Variants in RTTN observed in about 807,000 individuals in gnomAD.
RTTN encodes rotatin.
A neutral mutation model predicts 269.2 loss-of-function variants in RTTN; 182 were observed. The ratio of observed to expected loss-of-function variants is 0.68; its 90% CI spans 0.60 to 0.76. The LOEUF (loss-of-function observed/expected upper bound fraction) is 0.76, where lower values mean the gene tolerates loss of function less well. Ranked by LOEUF, RTTN falls within the 30% of genes least tolerant of loss-of-function variation. The probability of loss-of-function intolerance (pLI) is 0.00; values close to 1 mark genes in which losing one functional copy is unlikely to be tolerated. For synonymous variants in RTTN, 1,006 were observed against 963.5 expected, an observed-to-expected ratio of 1.04 and a Z score of -0.82; for missense variants, 2,545 against 2,608.6, an observed-to-expected ratio of 0.98 and a Z score of 0.53.
chr18:70,021,042 T>G (rs2056690127), intron 44 of RTTN: 1 of 402,054 alleles, frequency 2.5e-6, no homozygotes, highest in South Asian at 1.0e-4. Context: ...GACACCAGGT[T>G]TATTTTTAAA....
At position 70,075,349 on chromosome 18, in the gene RTTN, T is replaced by C; in HGVS notation, c.4564+3A>G. The C allele has an allele frequency of 6.5e-7, 1 of 1,549,670 alleles. No individual in the cohort carries two copies. Among genetic ancestry groups the C allele is most frequent in the Non-Finnish European group, 8.7e-7 (1 of 1,143,774 alleles). On this transcript the variant is annotated splice_donor_region_variant and intron_variant, in intron 33 of 48. Coordinates refer to ENST00000640769, the MANE Select transcript of RTTN (RefSeq NM_173630.4). ...AATAAAAATACAAAGATATCGTACT[T>C]ACCATTTAAATCATTGCTTTCTGAA...
chr18:70,146,950 C>T (rs2060409878), intron 17 of RTTN, among the ~76,000 whole-genome samples: 2 of 152,204 alleles, frequency 1.3e-5, no homozygotes, highest in Admixed American at 6.5e-5. Context: ...AAAGGCTAAA[C>T]ACCTACCTAA....
intron 14 of RTTN, among the ~76,000 whole-genome samples, chr18:70,157,117 G>A (rs2060699859): frequency 6.6e-6 from 1 of 152,096 alleles, no homozygotes; most frequent in South Asian, 2.1e-4. Flanking sequence ...AGCCTCCCCT[G>A]CCAGTGCGCA....
intron 14 of RTTN, among the ~76,000 whole-genome samples, chr18:70,157,169 G>C (rs1308695812): frequency 6.6e-6 from 1 of 152,098 alleles, no homozygotes; most frequent in Non-Finnish European, 1.5e-5. Context: ...CTCTCCCAAA[G>C]CACCGCCCCA....
chr18:70,100,577 T>C (rs1439147066), intron 28 of RTTN, among the ~76,000 whole-genome samples: 1 of 152,192 alleles, frequency 6.6e-6, no homozygotes, highest in Non-Finnish European at 1.5e-5. Context: ...TCTTTCTTTC[T>C]CCTGCCTGAT....
chr18:70,012,276 A>G (rs1183314119), intron 46 of RTTN, among the ~76,000 whole-genome samples: 29 of 118,482 alleles, frequency 2.4e-4, no homozygotes, highest in African/African-American at 3.8e-4. Flanking sequence ...AGAGGGCAGC[A>G]TCTGCTCACT....
intron 46 of RTTN, among the ~76,000 whole-genome samples, chr18:70,009,779 G>A (rs1277918695): frequency 2.6e-5 from 4 of 152,146 alleles, no homozygotes; most frequent in Non-Finnish European, 5.9e-5. Context: ...AAAAGACACA[G>A]ACTGGCAAAT....
chr18:70,056,366 C>T (rs971163919), intron 37 of RTTN, among the ~76,000 whole-genome samples: 1 of 152,314 alleles, frequency 6.6e-6, no homozygotes, highest in African/African-American at 2.4e-5. Flanking sequence ...AGTCACTCAT[C>T]TCTCTGGGCC....
chr18:70,058,404 G>C (rs756918244), intron 36 of RTTN, among the ~76,000 whole-genome samples: 10 of 152,100 alleles, frequency 6.6e-5, no homozygotes, highest in Non-Finnish European at 1.5e-4. Flanking sequence ...TGTAATCCCA[G>C]CTACTCAGGA....
chr18:70,184,097 T>C (rs1044180832), intron 10 of RTTN, among the ~76,000 whole-genome samples: 2 of 152,114 alleles, frequency 1.3e-5, no homozygotes, highest in African/African-American at 4.8e-5. Flanking sequence ...CTCAACATGG[T>C]AACATTGAAA....
At position 70,201,894 on chromosome 18, in the gene RTTN, C is replaced by T. The variant is rs1464172177; in HGVS notation, c.487G>A (p.Val163Ile). 1 of 1,588,134 alleles carries T rather than the reference C, an allele frequency of 6.3e-7. No homozygotes were observed. The highest frequency in any genetic ancestry group is 8.6e-7 in the Non-Finnish European group (1 of 1,157,196). The change falls in exon 4 of 49, where the codon GTA becomes ATA. Residue 163 changes from valine to isoleucine, a missense_variant and splice_region_variant. By Grantham distance (29) the Val-to-Ile change is conservative. Coordinates refer to ENST00000640769, the MANE Select transcript of RTTN (RefSeq NM_173630.4). ...QQMEVPPRPV[V>I]NQTVKCLKFS... Reference sequence around the variant, plus strand: ...GATTTACTTCCCGACATATACACACCCACTGGTCGTGGCGGCACTTCCATC... The same window carrying T: ...GATTTACTTCCCGACATATACACACTCACTGGTCGTGGCGGCACTTCCATC...
intron 30 of RTTN, among the ~76,000 whole-genome samples, chr18:70,090,793 G>A (rs1390482066): frequency 6.6e-6 from 1 of 152,138 alleles, no homozygotes; most frequent in Admixed American, 6.5e-5. Flanking sequence ...TTATGGGCGG[G>A]GCTCTTGAAG....
At position 70,020,664 on chromosome 18, in the gene RTTN, A is replaced by G; in HGVS notation, c.6104T>C (p.Leu2035Pro). ...NTTVQQMVFM[L>P]LSNLALSHDC... ...ATGCGACAAGGCCAGGTTTGAAAGA[A>G]GCATAAAAACCATCTGCTGAACCGT... The change falls in exon 45 of 49, where the codon CTT (leucine) becomes CCT (proline). Residue 2035 changes from leucine (L) to proline (P), a missense_variant. Leu to Pro is a moderately conservative substitution (Grantham distance 98). Coordinates refer to ENST00000640769, the MANE Select transcript of RTTN (RefSeq NM_173630.4). 6.2e-7 allele frequency: 1 copy of G among 1,614,068 alleles called. No individual in the cohort carries two copies. Among genetic ancestry groups the G allele is most frequent in the Non-Finnish European group, 8.5e-7 (1 of 1,179,934 alleles).
At position 70,075,626 on chromosome 18, in the gene RTTN, A is replaced by T. The variant is rs530248586; in HGVS notation, c.4375-85T>A. 13 of 1,092,644 alleles carry T rather than the reference A, an allele frequency of 1.2e-5. No individual in the cohort carries two copies. In the East Asian group the frequency reaches 3.2e-4, roughly 27 times the overall value. The allele number at this position is 1,092,644 out of a possible 1,614,324, so 67.7% of individuals were successfully genotyped here. On this transcript the variant is annotated intron_variant, in intron 32 of 48. Transcript: ENST00000640769. ...AGATCCATTGTCTCCTCTCGAGGAA[A>T]CAAATGGGTCCCAGATGCTCCCATC... is the stretch of plus-strand genomic sequence containing the variant.
intron 28 of RTTN, among the ~76,000 whole-genome samples, chr18:70,103,119 C>T (rs1210441635): frequency 7.2e-5 from 10 of 138,802 alleles, no homozygotes; most frequent in Non-Finnish European, 1.2e-4. Context: ...TCTGCCCAGC[C>T]GCCACCCCGT....
At chr18:70,080,575 C>G (rs1355887258) in intron 32 of RTTN, among the ~76,000 whole-genome samples, 1 of 151,970 alleles carries the variant, frequency 6.6e-6, no homozygotes, top group Non-Finnish European at 1.5e-5. Flanking sequence ...ACTAAATAAG[C>G]AAGGAAGAAT....
intron 34 of RTTN, among the ~76,000 whole-genome samples, chr18:70,070,749 C>A (rs931312844): frequency 6.6e-6 from 1 of 152,160 alleles, no homozygotes; most frequent in Admixed American, 6.6e-5. Context: ...CTCCAAACAA[C>A]CTCTTGCATT....
chr18:70,176,399 C>T (rs556325109), intron 11 of RTTN, among the ~76,000 whole-genome samples: 54 of 152,144 alleles, frequency 3.5e-4, no homozygotes, highest in African/African-American at 1.2e-3. Context: ...ACTGAATGAA[C>T]AAGGAATAAA....
At chr18:70,028,310 C>T (rs1399894771) in intron 43 of RTTN, among the ~76,000 whole-genome samples, 1 of 151,746 alleles carries the variant, frequency 6.6e-6, no homozygotes, top group East Asian at 1.9e-4. Context: ...TGTGGCCACA[C>T]TAGGTAGCAG....
Sources: allele counts gnomAD v4.1 joint callset (sites outside exome capture counted in the v4.1 genomes callset), GRCh38; gene constraint gnomAD v4.1.1; transcripts MANE v1.5; gene names NCBI Gene and HGNC (gene_info 2026-07-23, HGNC 2026-07-21).